DEAF1: variants seen among roughly 807,000 people sequenced by gnomAD.
DEAF1 encodes DEAF1 transcription factor, also known as deformed epidermal autoregulatory factor 1 homolog.
Under a neutral mutation model 58.9 loss-of-function variants are expected in DEAF1, and 53 were observed. The ratio of observed to expected loss-of-function variants is 0.90; its 90% CI spans 0.72 to 1.13. The LOEUF (loss-of-function observed/expected upper bound fraction) is 1.13. Ranked by LOEUF, DEAF1 falls within the 50% of genes most tolerant of loss-of-function variation. The pLI is 0.00. For synonymous variants in DEAF1, 385 were observed against 340.4 expected (o/e 1.13, Z -1.44); for missense variants, 685 against 791.4 (o/e 0.87, Z 1.61).
At chr11:681,894 T>C (rs1253929880) in intron 6 of DEAF1, among the ~76,000 whole-genome samples, 1 of 152,216 alleles carries the variant, frequency 6.6e-6, no homozygotes, top group African/African-American at 2.4e-5. Flanking sequence ...GCAATTTCTG[T>C]TGCCTGCTTT....
chr11:703,535 C>T (rs1861595259), intron 1 of DEAF1: 6 of 1,235,078 alleles, frequency 4.9e-6, no homozygotes, highest in Non-Finnish European at 5.0e-6. Context: ...TCACTGCATC[C>T]CCCATCACCC....
intron 10 of DEAF1, among the ~76,000 whole-genome samples, chr11:659,966 G>A (rs1357671153): frequency 6.6e-6 from 1 of 152,228 alleles, no homozygotes; most frequent in African/African-American, 2.4e-5. Flanking sequence ...GGTGGGGCCA[G>A]GTGGGGCTTG....
rs112285814 is a variant in DEAF1, at chr11:688,808, T to A, written c.388-348A>T. On this transcript the variant is annotated intron_variant, in intron 2 of 11. Transcript: ENST00000382409. The surrounding 1 kb of genome is among the most constrained non-coding windows in gnomAD (Gnocchi z 4.3). ...CATGCAGAGTTTCCAACAGACCGAG[T>A]TGGCCGCCACAGACAAGGCCTTGTG... 6.6e-6 allele frequency among the ~76,000 whole-genome samples: 1 copy of A among 152,202 alleles called. No homozygotes were observed. Among genetic ancestry groups the A allele is most frequent in the East Asian group, 1.9e-4 (1 of 5,182 alleles).
intron 6 of DEAF1, among the ~76,000 whole-genome samples, chr11:684,545 G>A (rs1216303025): frequency 6.6e-6 from 1 of 152,194 alleles, no homozygotes; most frequent in African/African-American, 2.4e-5. Context: ...GCATTTTTCT[G>A]ACATGTTACA....
At chr11:704,039 T>C in intron 1 of DEAF1, 1 of 1,180,764 alleles carries the variant, frequency 8.5e-7, no homozygotes, top group Non-Finnish European at 1.0e-6. Flanking sequence ...CTATTGTGTG[T>C]TTTCTATGTT....
At chr11:693,989 C>T (rs898915253) in intron 1 of DEAF1, among the ~76,000 whole-genome samples, 1 of 152,208 alleles carries the variant, frequency 6.6e-6, no homozygotes, top group Non-Finnish European at 1.5e-5. Context: ...CACACAGCCA[C>T]GCTGACCTCT....
chr11:654,661 G>A, intron 10 of DEAF1: 1 of 454,998 alleles, frequency 2.2e-6, no homozygotes, highest in South Asian at 1.5e-5. Context: ...GATCACCTGA[G>A]GTCAGGAGTT....
At chr11:672,574 A>T (rs1235926525) in intron 10 of DEAF1, among the ~76,000 whole-genome samples, 1 of 152,190 alleles carries the variant, frequency 6.6e-6, no homozygotes, top group Non-Finnish European at 1.5e-5. Context: ...AGGCCGGGCA[A>T]GGTGGCTCAT....
chr11:685,742 G>T (rs1171478655), intron 5 of DEAF1, among the ~76,000 whole-genome samples: 1 of 152,030 alleles, frequency 6.6e-6, no homozygotes, highest in African/African-American at 2.4e-5. Flanking sequence ...CAGGCCAGGT[G>T]TGGTGGCTCA....
chr11:648,166 T>C (rs1247525962), intron 11 of DEAF1, among the ~76,000 whole-genome samples: 1 of 151,816 alleles, frequency 6.6e-6, no homozygotes, highest in East Asian at 1.9e-4. Context: ...TACCAAGTCC[T>C]CTACAATTAA....
intron 11 of DEAF1, among the ~76,000 whole-genome samples, chr11:652,386 C>T (rs144572356): frequency 6.6e-6 from 1 of 152,120 alleles, no homozygotes; most frequent in African/African-American, 2.4e-5. Context: ...ACTTGCAATC[C>T]CAGCAATTTG....
intron 10 of DEAF1, among the ~76,000 whole-genome samples, chr11:660,174 G>A (rs1589982024): frequency 6.6e-6 from 1 of 152,230 alleles, no homozygotes; most frequent in Non-Finnish European, 1.5e-5. Context: ...ACGGAAATAA[G>A]AGAAAACCCT....
chr11:676,472 G>C (rs1299108606), intron 9 of DEAF1, among the ~76,000 whole-genome samples: 3 of 150,924 alleles, frequency 2.0e-5, no homozygotes, highest in Non-Finnish European at 4.4e-5. Context: ...GCGGCTGCTG[G>C]ACCCTGAAAT....
In DEAF1 at chr11:687,909, ACCTGAGCCGAG is replaced by A; in HGVS notation, c.655_664+1del. 6.2e-7 allele frequency: 1 copy of A among 1,613,952 alleles called. No homozygotes were observed. Among genetic ancestry groups the A allele is most frequent in the Non-Finnish European group, 8.5e-7 (1 of 1,179,990 alleles). ...TTTGGAGTCTGAAGTGGCAGTCCTC[ACCTGAGCCGAG>A]CCTGTTCTTGTACAGAGTGCCGCTG... is the stretch of plus-strand genomic sequence containing the variant. On this transcript the variant is annotated splice_donor_variant and coding_sequence_variant, in exon 4 of 12. Transcript: ENST00000382409. LOFTEE classifies it high-confidence loss of function.
intron 10 of DEAF1, among the ~76,000 whole-genome samples, chr11:671,919 G>A (rs1261514235): frequency 6.6e-6 from 1 of 150,430 alleles, no homozygotes; most frequent in Non-Finnish European, 1.5e-5. Context: ...AAGCTCTTCT[G>A]CTCGCCTGTC....
intron 11 of DEAF1, among the ~76,000 whole-genome samples, chr11:648,887 C>G (rs569194215): frequency 1.3e-5 from 2 of 152,292 alleles, no homozygotes; most frequent in South Asian, 4.1e-4. Flanking sequence ...AGTGAAAGAA[C>G]AGAGGAGCAA....
rs138231654 is a variant in DEAF1, at chr11:683,107, G to A, written c.870+1791C>T. 2.8e-3 allele frequency among the ~76,000 whole-genome samples: 432 copies of A among 152,206 alleles called. 1 individual carries two copies. Among genetic ancestry groups the A allele is most frequent in the African/African-American group, 9.2e-3 (381 of 41,490 alleles). ...GTACTCCCCTAGGACAATTTCTGGA[G>A]ACCTTAAGGGGTTATTTTTTCACAA... On this transcript the variant is annotated intron_variant, in intron 6 of 11. Transcript: ENST00000382409.
At chr11:670,828 A>G (rs1384668790) in intron 10 of DEAF1, among the ~76,000 whole-genome samples, 2 of 120,762 alleles carry the variant, frequency 1.7e-5, no homozygotes, top group African/African-American at 6.6e-5. Flanking sequence ...CCCAGGCTGG[A>G]GTACAGTGGT....
chr11:647,370 G>A lies in DEAF1; in HGVS notation c.1594-2716C>T, dbSNP rs1315134869. Among the ~76,000 whole-genome samples, 8 of 151,886 alleles carry A rather than the reference G, an allele frequency of 5.3e-5. No individual in the cohort carries two copies. In the East Asian group the frequency reaches 7.7e-4, roughly 15 times the overall value. On this transcript the variant is annotated intron_variant, in intron 11 of 11. Transcript: ENST00000382409. The stretch of plus-strand genomic sequence containing the variant: ...CTAGGGAGGCTGAGGCAGGAGAATC[G>A]CTTGAACCTGGGAAGTGGAGGTTGC...
Sources: gnomAD v4.1 joint callset for allele counts (sites outside exome capture counted in the v4.1 genomes callset) on GRCh38, gnomAD v4.1.1 for gene constraint, Gnocchi (gnomAD v3.1) non-coding constraint, MANE v1.5 for transcripts, NCBI Gene and HGNC (gene_info 2026-07-23, HGNC 2026-07-21) for gene names.